The following KDM2B variants were observed in gnomAD, a reference collection of about 807,000 sequenced individuals.
KDM2B encodes lysine-specific demethylase 2B.
KDM2B carries 26 observed loss-of-function variants against 150.0 expected under a neutral mutation model. The ratio of observed to expected loss-of-function variants is 0.17; its 90% CI spans 0.13 to 0.24. The LOEUF (loss-of-function observed/expected upper bound fraction) is 0.24, where lower values mean the gene tolerates loss of function less well. Among genes scored for constraint, KDM2B ranks in the 10% least tolerant of loss-of-function variants. The pLI, the probability that KDM2B is intolerant of heterozygous loss-of-function variation, is 1.00. For missense variants in KDM2B, 1,265 were observed against 1,816.9 expected (o/e 0.70, Z 5.52); for synonymous variants, 734 against 729.5 (o/e 1.01, Z -0.10).
Position 121,430,330 on chromosome 12 carries a change from C to T in KDM2B, c.3969G>A (p.Gln1323=). The change falls in exon 23 of 23, where the codon CAG becomes CAA. Residue 1323 remains glutamine, a synonymous_variant. Coordinates refer to ENST00000377071, the MANE Select transcript of KDM2B (RefSeq NM_032590.5). The surrounding 1 kb of genome is among the most constrained non-coding windows in gnomAD (Gnocchi z 4.4). ...GGAGTTTTTCTTCTACTTGCCCAAA[C>T]TGGACACTCACAGACATCTCGGCTA... ...QFIAEMSVSV[Q]FGQVEEKLLQ... is the part of the protein sequence containing the mutation. 1.9e-6 allele frequency: 3 copies of T among 1,614,116 alleles called. No individual in the cohort carries two copies. Among genetic ancestry groups the T allele is most frequent in the Non-Finnish European group, 2.5e-6 (3 of 1,180,014 alleles).
intron 4 of KDM2B, among the ~76,000 whole-genome samples, chr12:121,550,234 C>T (rs562857079): frequency 4.6e-4 from 70 of 151,760 alleles, no homozygotes; most frequent in African/African-American, 1.6e-3. Flanking sequence ...AGCTTGAACC[C>T]GGAAGGCAGA....
chr12:121,487,326 C>T (rs983517103), intron 12 of KDM2B, among the ~76,000 whole-genome samples: 1 of 152,120 alleles, frequency 6.6e-6, no homozygotes, highest in African/African-American at 2.4e-5. Flanking sequence ...TTTTTATGGA[C>T]CTCCCAAGAA....
chr12:121,510,173 T>C (rs1593996518), intron 10 of KDM2B, 134 bp from the exon 11 acceptor site: 1 of 778,302 alleles, frequency 1.3e-6, no homozygotes. Flanking sequence ...GGTCAGTGCC[T>C]CCAGCCTCTG....
intron 12 of KDM2B, among the ~76,000 whole-genome samples, chr12:121,492,390 C>G (rs1420979127): frequency 1.3e-5 from 2 of 151,918 alleles, no homozygotes; most frequent in African/African-American, 4.8e-5. Context: ...TCACTGCAAC[C>G]TCCACCTCCC....
rs549379434 is a variant in KDM2B at position 121,462,450 on chromosome 12, G to T, written c.1735-9106C>A. Among the ~76,000 whole-genome samples, 6 of 151,836 alleles carry T rather than the reference G, an allele frequency of 4.0e-5. No homozygotes were observed. The South Asian group carries it at 1.2e-3, about 32-fold the overall frequency. On this transcript the variant is annotated intron_variant, in intron 12 of 22. Transcript: ENST00000377071. ...ATAGGCACAAAGTAACAAAACTTTTGCATACATTTTCAAGAAGGATCAGAG... is the reference window on the plus strand; with the variant it reads ...ATAGGCACAAAGTAACAAAACTTTTTCATACATTTTCAAGAAGGATCAGAG...
Position 121,440,091 on chromosome 12 carries a change from G to A in KDM2B, c.3611-16C>T, listed in dbSNP as rs1555287835. On this transcript the variant is annotated splice_polypyrimidine_tract_variant and intron_variant, in intron 21 of 22. Coordinates refer to ENST00000377071, the MANE Select transcript of KDM2B (RefSeq NM_032590.5). ...TCCATCTGACCTGGTGGGGCAGGAA[G>A]GAGGGGGCAACCCGTCAATCTGACC... 3 of 1,578,324 alleles carry A rather than the reference G, an allele frequency of 1.9e-6. No homozygotes were observed. The highest frequency in any genetic ancestry group is 2.3e-5 in the South Asian group (2 of 87,618).
rs1002003613 is a variant in KDM2B at position 121,514,646 on chromosome 12, T to C, written c.1048-1244A>G. On this transcript the variant is annotated intron_variant, in intron 9 of 22. Transcript: ENST00000377071. ...GAGAAAGCCCTCCTCCCCTCCCTGA[T>C]CCTATGCGAACTCAGGGAGTTGGAT... 2.0e-5 allele frequency among the ~76,000 whole-genome samples: 3 copies of C among 151,384 alleles called. No homozygotes were observed. The East Asian group carries it at 5.8e-4, about 29-fold the overall frequency.
At chr12:121,561,825 GAAGAACTCTAAGACTCCTTCCCGAGCTT>G (rs1555313866) in intron 4 of KDM2B, among the ~76,000 whole-genome samples, 1 of 152,164 alleles carries the variant, frequency 6.6e-6, no homozygotes. Flanking sequence ...AGCAGGACTG[GAAGAACTCTAAGACTCCTTCCCGAGCTT>G]AAAATGGAAA....
In KDM2B at chr12:121,533,177, C is replaced by T. The variant is rs1555308129; in HGVS notation, c.778-218G>A. ...AAGGGCTGTGCCCACCTTCAGGGAACCTCCATTCCTGCTGAAATCCCAGGA... is the reference window on the plus strand; with the variant it reads ...AAGGGCTGTGCCCACCTTCAGGGAATCTCCATTCCTGCTGAAATCCCAGGA... On this transcript the variant is annotated intron_variant, in intron 7 of 22. Transcript: ENST00000377071. The surrounding 1 kb of genome is among the most constrained non-coding windows in gnomAD (Gnocchi z 4.1). Among the ~76,000 whole-genome samples, 2 of 152,188 alleles carry T rather than the reference C, an allele frequency of 1.3e-5. No homozygotes were observed. The highest frequency in any genetic ancestry group is 2.9e-5 in the Non-Finnish European group (2 of 68,030).
chr12:121,417,803 T>C, the KDM2B span: 3 of 1,614,242 alleles, frequency 1.9e-6, no homozygotes, highest in Middle Eastern at 3.3e-4. The surrounding 1 kb of genome is among the most constrained non-coding windows in gnomAD (Gnocchi z 5.0). Flanking sequence ...CTAGCTTTTT[T>C]ACACGTTCGT....
At chr12:121,458,114 G>C (rs1204638725) in intron 12 of KDM2B, among the ~76,000 whole-genome samples, 1 of 152,150 alleles carries the variant, frequency 6.6e-6, no homozygotes, top group Non-Finnish European at 1.5e-5. Flanking sequence ...TGGGCACAGT[G>C]GCTCACCCCT....
intron 17 of KDM2B, 58 bp downstream of exon 17, chr12:121,443,622 G>C: frequency 2.0e-6 from 2 of 1,001,056 alleles, no homozygotes; most frequent in Non-Finnish European, 3.2e-6. Flanking sequence ...TGGGGTGGGG[G>C]ACAGCCCAGG....
In KDM2B at chr12:121,580,987, A is replaced by C; in HGVS notation, c.-76T>G. 6.5e-7 allele frequency: 1 copy of C among 1,542,246 alleles called. No homozygotes were observed. Among genetic ancestry groups the C allele is most frequent in the Non-Finnish European group, 8.7e-7 (1 of 1,146,330 alleles). ...CCTATAAGGACTGCCTAACTTTTAA[A>C]CTCCCGGCACTCAAAGATGTGGACA... is the stretch of plus-strand genomic sequence containing the variant. On this transcript the variant is annotated 5_prime_UTR_variant, in exon 1 of 23. Coordinates refer to ENST00000377071, the MANE Select transcript of KDM2B (RefSeq NM_032590.5).
At chr12:121,542,305 C>T (rs1261324187) in intron 6 of KDM2B, among the ~76,000 whole-genome samples, 13 of 152,202 alleles carry the variant, frequency 8.5e-5, no homozygotes, top group Admixed American at 8.5e-4. Flanking sequence ...TGACTGCAGC[C>T]CAGGCCTACA....
intron 10 of KDM2B, among the ~76,000 whole-genome samples, chr12:121,511,462 T>G (rs1885587133): frequency 6.6e-6 from 1 of 151,936 alleles, no homozygotes; most frequent in Admixed American, 6.6e-5. Context: ...AATTTCATAT[T>G]TTTAGTAGAG....
At chr12:121,446,299 G>A (rs970108195) in intron 13 of KDM2B, among the ~76,000 whole-genome samples, 3 of 152,340 alleles carry the variant, frequency 2.0e-5, no homozygotes, top group East Asian at 3.9e-4. Context: ...TCGGGAGACT[G>A]AGGCAGGAGA....
At chr12:121,573,103 T>C (rs1437143294) in intron 4 of KDM2B, among the ~76,000 whole-genome samples, 1 of 145,250 alleles carries the variant, frequency 6.9e-6, no homozygotes, top group Non-Finnish European at 1.5e-5. Flanking sequence ...AGATTACAGG[T>C]GTGAGCCACT....
chr12:121,547,137 A>G (rs1017600258), intron 6 of KDM2B, among the ~76,000 whole-genome samples: 2 of 152,136 alleles, frequency 1.3e-5, no homozygotes, highest in African/African-American at 4.8e-5. Flanking sequence ...CGCGAGGCAC[A>G]GCACTTTCTC....
At chr12:121,485,630 G>A (rs1017304279) in intron 12 of KDM2B, among the ~76,000 whole-genome samples, 2 of 151,940 alleles carry the variant, frequency 1.3e-5, no homozygotes, top group Admixed American at 1.3e-4. Context: ...AGGGGAGAAC[G>A]GGGGGTGAGT....
Sources: gnomAD v4.1 joint callset for allele counts (sites outside exome capture counted in the v4.1 genomes callset) on GRCh38, gnomAD v4.1.1 for gene constraint, Gnocchi (gnomAD v3.1) non-coding constraint, MANE v1.5 for transcripts, NCBI Gene and HGNC (gene_info 2026-07-23, HGNC 2026-07-21) for gene names.